The following RBFOX1 variants were observed in gnomAD, a reference collection of about 807,000 sequenced individuals.
The protein encoded by RBFOX1 is RNA binding protein fox-1 homolog 1.
Under a neutral mutation model 57.7 loss-of-function variants are expected in RBFOX1, and 8 were observed. The observed-to-expected ratio is 0.14, with a 90% CI of 0.08 to 0.25. The LOEUF is 0.25. Among genes scored for constraint, RBFOX1 ranks in the 10% least tolerant of loss-of-function variants. The pLI is 1.00. For synonymous variants in RBFOX1, 326 were observed against 222.4 expected, an observed-to-expected ratio of 1.47 and a Z score of -4.15; for missense variants, 611 against 548.5, an observed-to-expected ratio of 1.11 and a Z score of -1.14.
At chr16:6,147,319 C>T (rs536901192) in intron 1 of RBFOX1, among the ~76,000 whole-genome samples, 12 of 152,254 alleles carry the variant, frequency 7.9e-5, no homozygotes, top group African/African-American at 2.6e-4. Flanking sequence ...TAAGTACAGG[C>T]CAGTTTTGCT....
chr16:6,927,122 G>C (rs1226248084), intron 3 of RBFOX1, among the ~76,000 whole-genome samples: 1 of 152,058 alleles, frequency 6.6e-6, no homozygotes, highest in Non-Finnish European at 1.5e-5. Context: ...CAGAGGGTTT[G>C]ATCCCCTAGA....
chr16:7,388,282 G>C (rs577140851), intron 4 of RBFOX1, among the ~76,000 whole-genome samples: 1 of 152,136 alleles, frequency 6.6e-6, no homozygotes, highest in South Asian at 2.1e-4. Flanking sequence ...AAAATCCTCA[G>C]AAGAAACTTG....
upstream of RBFOX1, among the ~76,000 whole-genome samples, chr16:6,016,634 T>A (rs1008853173): frequency 3.9e-5 from 6 of 152,192 alleles, no homozygotes; most frequent in Non-Finnish European, 8.8e-5. Context: ...AAGGTACCAT[T>A]TTTGACATTT....
chr16:7,178,805 G>A (rs1186896284), intron 4 of RBFOX1, among the ~76,000 whole-genome samples: 1 of 152,082 alleles, frequency 6.6e-6, no homozygotes, highest in African/African-American at 2.4e-5. Flanking sequence ...GTGAGACATC[G>A]GGTTTCACAC....
intron 3 of RBFOX1, among the ~76,000 whole-genome samples, chr16:6,796,215 A>G (rs1221547474): frequency 2.0e-5 from 3 of 152,152 alleles, no homozygotes; most frequent in Non-Finnish European, 4.4e-5. Context: ...ATATCTGAAG[A>G]GACTTATTCA....
chr16:5,888,521 C>T (rs1049835843), intron 4 of RBFOX1, among the ~76,000 whole-genome samples: 2 of 152,068 alleles, frequency 1.3e-5, no homozygotes, highest in African/African-American at 4.8e-5. Context: ...TGAGGCCGGG[C>T]GCAGTGGCTC....
intron 4 of RBFOX1, among the ~76,000 whole-genome samples, chr16:7,202,521 C>T (rs2088843187): frequency 6.6e-6 from 1 of 152,172 alleles, no homozygotes; most frequent in East Asian, 1.9e-4. Flanking sequence ...TCCCCAGTCC[C>T]TGGGTCATGT....
At chr16:6,761,290 C>A (rs557997174) in intron 3 of RBFOX1, among the ~76,000 whole-genome samples, 1 of 152,070 alleles carries the variant, frequency 6.6e-6, no homozygotes, top group African/African-American at 2.4e-5. Context: ...AGAGAACTGA[C>A]ACTTGGATAT....
intron 3 of RBFOX1, among the ~76,000 whole-genome samples, chr16:6,907,632 A>G (rs966951952): frequency 2.0e-5 from 3 of 152,052 alleles, no homozygotes; most frequent in Non-Finnish European, 4.4e-5. Context: ...TTGCAGTGGC[A>G]CGATCTTGGC....
intron 4 of RBFOX1, among the ~76,000 whole-genome samples, chr16:7,371,016 G>C (rs2097555764): frequency 6.6e-6 from 1 of 152,136 alleles, no homozygotes; most frequent in Non-Finnish European, 1.5e-5. Context: ...TATTGGGATG[G>C]ATGTGTCTGT....
chr16:7,156,512 CATGCATGTAGATATATATGTGTACAT>C (rs1248759920), intron 4 of RBFOX1, among the ~76,000 whole-genome samples: 1 of 151,934 alleles, frequency 6.6e-6, no homozygotes, highest in African/African-American at 2.4e-5. Context: ...TACATGTACA[CATGCATGTAGATATATATGTGTACAT>C]ATGCATGTAG....
At chr16:5,802,877 A>T (rs1229961376) in intron 3 of RBFOX1, among the ~76,000 whole-genome samples, 1 of 152,204 alleles carries the variant, frequency 6.6e-6, no homozygotes, top group Non-Finnish European at 1.5e-5. Flanking sequence ...TTCATTAATC[A>T]TACAGTTATT....
intron 3 of RBFOX1, among the ~76,000 whole-genome samples, chr16:5,674,117 A>G (rs1391942147): frequency 6.6e-6 from 1 of 152,236 alleles, no homozygotes; most frequent in Non-Finnish European, 1.5e-5. Flanking sequence ...AGCAAAAGAC[A>G]CAGCAGATAT....
intron 1 of RBFOX1, among the ~76,000 whole-genome samples, chr16:5,354,040 C>A (rs1274766922): frequency 2.7e-5 from 4 of 149,400 alleles, no homozygotes; most frequent in African/African-American, 4.9e-5. Flanking sequence ...GGAATACTTA[C>A]AATTCCTTTC....
intron 2 of RBFOX1, among the ~76,000 whole-genome samples, chr16:6,409,320 A>G (rs2152967445): frequency 6.6e-6 from 1 of 152,290 alleles, no homozygotes; most frequent in African/African-American, 2.4e-5. Context: ...GGGCTGAGGC[A>G]GGAGAATCGC....
At chr16:5,889,380 C>T (rs2057988597) in intron 4 of RBFOX1, among the ~76,000 whole-genome samples, 1 of 152,164 alleles carries the variant, frequency 6.6e-6, no homozygotes, top group Non-Finnish European at 1.5e-5. Flanking sequence ...TTCCATGTCC[C>T]TGCAAAAGAC....
At chr16:7,285,464 G>A (rs750265640) in intron 4 of RBFOX1, among the ~76,000 whole-genome samples, 1 of 151,878 alleles carries the variant, frequency 6.6e-6, no homozygotes, top group Non-Finnish European at 1.5e-5. Context: ...GTAGGTCTGT[G>A]CATCCAACAC....
chr16:6,596,074 T>G (rs1275082649), intron 2 of RBFOX1, among the ~76,000 whole-genome samples: 2 of 152,116 alleles, frequency 1.3e-5, no homozygotes, highest in African/African-American at 4.8e-5. Context: ...TTCTGTGGAT[T>G]TCCTTTTTAC....
rs150298561 is a variant in RBFOX1 at position 7,591,078 on chromosome 16, C to T, written c.468+3778C>T. Reference sequence around the variant, plus strand: ...GTGATGGGAGAGGCCACTGAGAGTCCGGACAGGCAGGCTGATATTGTGAGA... The same window carrying T: ...GTGATGGGAGAGGCCACTGAGAGTCTGGACAGGCAGGCTGATATTGTGAGA... On this transcript the variant is annotated intron_variant, in intron 7 of 15. Coordinates refer to ENST00000550418, the MANE Select transcript of RBFOX1 (RefSeq NM_018723.4). 1.7e-4 allele frequency among the ~76,000 whole-genome samples: 26 copies of T among 151,984 alleles called. No individual in the cohort carries two copies. The East Asian group carries it at 4.1e-3, about 24-fold the overall frequency.
Sources: gnomAD v4.1 joint callset for allele counts (sites outside exome capture counted in the v4.1 genomes callset) on GRCh38, gnomAD v4.1.1 for gene constraint, MANE v1.5 for transcripts, NCBI Gene and HGNC (gene_info 2026-07-23, HGNC 2026-07-21) for gene names.